Variants in G3BP1 observed in about 807,000 individuals in gnomAD.
G3BP1 encodes G3BP stress granule assembly factor 1.
In G3BP1, 35 loss-of-function variants were observed where a neutral mutation model predicts 58.6. The observed-to-expected ratio is 0.60, with a 90% confidence interval of 0.46 to 0.79. The LOEUF (loss-of-function observed/expected upper bound fraction) is 0.79, where lower values mean the gene tolerates loss of function less well. Among genes scored for constraint, G3BP1 ranks in the 30% least tolerant of loss-of-function variants. The pLI, the probability that G3BP1 is intolerant of heterozygous loss-of-function variation, is 0.00. For synonymous variants in G3BP1, 191 were observed against 195.4 expected, an observed-to-expected ratio of 0.98 and a Z score of 0.19; for missense variants, 523 against 580.8, an observed-to-expected ratio of 0.90 and a Z score of 1.02.
In G3BP1 at chr5:151,805,506, G is replaced by C. The variant is rs926900942; in HGVS notation, c.*1415G>C. On this transcript the variant is annotated 3_prime_UTR_variant, in exon 12 of 12. Transcript: ENST00000356245. The stretch of plus-strand genomic sequence containing the variant: ...GGGCAACCAGGTTGTAAAATTCAGC[G>C]TATTTATTTTCTTAACAGTATTCAT... The C allele has an allele frequency of 3.9e-5, 6 of 152,144 alleles. No homozygotes were observed. Among genetic ancestry groups the C allele is most frequent in the Admixed American group, 3.9e-4 (6 of 15,274 alleles). The allele number at this position is 152,144 out of a possible 1,614,324, so 9.4% of individuals were successfully genotyped here.
chr5:151,809,231 A>G lies in G3BP1; in HGVS notation c.*5140A>G, dbSNP rs1762979409. The G allele has an allele frequency of 6.6e-6, 1 of 152,172 alleles. No individual in the cohort carries two copies. The highest frequency in any genetic ancestry group is 1.9e-4 in the East Asian group (1 of 5,200). The allele number at this position is 152,172 out of a possible 1,614,324, so 9.4% of individuals were successfully genotyped here. ...ACCACTTCGGTTACTCACTGTCCTC[A>G]TGCTTTGATGTCAGTTGTTCTCCTA... On this transcript the variant is annotated 3_prime_UTR_variant, in exon 12 of 12. Transcript: ENST00000356245.
chr5:151,796,554 C>T (rs1425908158), intron 6 of G3BP1, among the ~76,000 whole-genome samples: 1 of 152,090 alleles, frequency 6.6e-6, no homozygotes, highest in East Asian at 1.9e-4. Context: ...AGGTGTGTGC[C>T]CAGCCCCCTC....
At position 151,812,729 on chromosome 5, in the gene G3BP1, C is replaced by T. The variant is rs1256181024; in HGVS notation, c.*8638C>T. On this transcript the variant is annotated 3_prime_UTR_variant, in exon 12 of 12. Coordinates refer to ENST00000356245, the MANE Select transcript of G3BP1 (RefSeq NM_005754.3). Reference sequence around the variant, plus strand: ...TGTATAAATAAAATAACCCCTTCCTCCAGTGACTGTGCATTTATTTTGTAA... The same window carrying T: ...TGTATAAATAAAATAACCCCTTCCTTCAGTGACTGTGCATTTATTTTGTAA... The T allele has an allele frequency of 1.3e-5, 2 of 152,212 alleles. No individual in the cohort carries two copies. Among genetic ancestry groups the T allele is most frequent in the Non-Finnish European group, 2.9e-5 (2 of 68,036 alleles). The allele number at this position is 152,212 out of a possible 1,614,324, so 9.4% of individuals were successfully genotyped here. A position where few individuals can be genotyped will look rare whatever the true frequency, so the allele number is the denominator to read the frequency against.
chr5:151,791,981 T>C (rs1037955236), intron 4 of G3BP1: 4 of 405,628 alleles, frequency 9.9e-6, no homozygotes, highest in African/African-American at 4.3e-5. Context: ...GATTTGTAAA[T>C]GAAGGATGGG....
intron 1 of G3BP1, among the ~76,000 whole-genome samples, chr5:151,778,265 T>C (rs1248818085): frequency 6.6e-6 from 1 of 152,204 alleles, no homozygotes; most frequent in Non-Finnish European, 1.5e-5. Context: ...ACAGTGTGTA[T>C]GGTCAGTCTT....
At position 151,804,049 on chromosome 5, in the gene G3BP1, A is replaced by C; in HGVS notation, c.1359A>C (p.Lys453Asn). Residue 453 changes from lysine to asparagine, a missense_variant, in exon 12 of 12, where the codon AAA becomes AAC. Lys to Asn is a moderately conservative substitution (Grantham distance 94). Around this residue, in one of 2 missense-constraint regions of G3BP1, gnomAD observed 125 missense variants for 181.7 expected, o/e 0.69. Transcript: ENST00000356245. ...CTCCCCGTGGAGGCATGGTGCAGAA[A>C]CCAGGATTTGGAGTGGGAAGGGGGC... ...RGPPRGGMVQ[K>N]PGFGVGRGLA... 6.2e-7 allele frequency: 1 copy of C among 1,612,784 alleles called. No individual in the cohort carries two copies. Among genetic ancestry groups the C allele is most frequent in the Non-Finnish European group, 8.5e-7 (1 of 1,179,264 alleles).
intron 4 of G3BP1, 29 bp downstream of exon 4, chr5:151,791,091 G>C: frequency 6.5e-7 from 1 of 1,543,172 alleles, no homozygotes; most frequent in African/African-American, 1.4e-5. Context: ...ATTTTGTAGT[G>C]ATCCAATACA....
rs992372217 is a variant in G3BP1 at position 151,805,784 on chromosome 5, A to G, written c.*1693A>G. ...CAGATCACTGATAATAGGAAGAAAT[A>G]CAACTTATACTTTTGTAGCTTATAT... On this transcript the variant is annotated 3_prime_UTR_variant, in exon 12 of 12. Coordinates refer to ENST00000356245, the MANE Select transcript of G3BP1 (RefSeq NM_005754.3). 4 of 152,214 alleles carry G rather than the reference A, an allele frequency of 2.6e-5. No homozygotes were observed. The highest frequency in any genetic ancestry group is 1.3e-4 in the Admixed American group (2 of 15,272). The allele number at this position is 152,214 out of a possible 1,614,324, so 9.4% of individuals were successfully genotyped here. A position where few individuals can be genotyped will look rare whatever the true frequency, so the allele number is the denominator to read the frequency against.
At chr5:151,797,622 A>G (rs1321251868) in intron 7 of G3BP1, among the ~76,000 whole-genome samples, 194 bp downstream of exon 7, 1 of 152,206 alleles carries the variant, frequency 6.6e-6, no homozygotes, top group Non-Finnish European at 1.5e-5. Flanking sequence ...TTATTTCATC[A>G]AAAGAAACCA....
rs1762987926 is a variant in G3BP1, at chr5:151,809,676, T to A, written c.*5585T>A. The A allele has an allele frequency of 1.3e-5, 2 of 152,170 alleles. No homozygotes were observed. The highest frequency in any genetic ancestry group is 4.8e-5 in the African/African-American group (2 of 41,446). 9.4% of individuals were successfully genotyped at this position (152,170 alleles called of 1,614,324 possible). On this transcript the variant is annotated 3_prime_UTR_variant, in exon 12 of 12. Coordinates refer to ENST00000356245, the MANE Select transcript of G3BP1 (RefSeq NM_005754.3). ...TTACAAAGGATCAGAGAGAATTGGTTAGTAGAGTCCCAAATCTGCTTTTAG... is the reference window on the plus strand; with the variant it reads ...TTACAAAGGATCAGAGAGAATTGGTAAGTAGAGTCCCAAATCTGCTTTTAG...
intron 4 of G3BP1, chr5:151,791,928 A>G (rs1762665110): frequency 2.8e-6 from 1 of 360,600 alleles, no homozygotes; most frequent in East Asian, 7.7e-5. Context: ...AAGTGGGATT[A>G]CAGGTGTGAG....
At chr5:151,787,806 A>T in intron 2 of G3BP1, 1 of 314,202 alleles carries the variant, frequency 3.2e-6, no homozygotes, top group Non-Finnish European at 6.4e-6. Context: ...TATAAAATAA[A>T]ATTTATGAAT....
chr5:151,784,365 A>C (rs967368425), intron 1 of G3BP1, among the ~76,000 whole-genome samples: 1 of 152,164 alleles, frequency 6.6e-6, no homozygotes. Context: ...TATGTCTGCT[A>C]TCTTAATCTA....
chr5:151,784,187 C>T (rs1455561973), intron 1 of G3BP1, among the ~76,000 whole-genome samples: 2 of 152,212 alleles, frequency 1.3e-5, no homozygotes, highest in Non-Finnish European at 2.9e-5. Flanking sequence ...CCTCAAACTT[C>T]TGGGCCCTAG....
rs1393839269 is a variant in G3BP1, at chr5:151,811,785, C to T, written c.*7694C>T. On this transcript the variant is annotated 3_prime_UTR_variant, in exon 12 of 12. Transcript: ENST00000356245. Reference sequence around the variant, plus strand: ...ACATTAAGGAAGCGATTGCTTAACACGCTGCTTAAGGTGGTAGCCAGACAA... The same window carrying T: ...ACATTAAGGAAGCGATTGCTTAACATGCTGCTTAAGGTGGTAGCCAGACAA... 4.6e-5 allele frequency: 7 copies of T among 152,138 alleles called. No homozygotes were observed. The highest frequency in any genetic ancestry group is 1.7e-4 in the African/African-American group (7 of 41,436). The allele number at this position is 152,138 out of a possible 1,614,324, so 9.4% of individuals were successfully genotyped here.
chr5:151,777,751 A>G (rs1191045661), intron 1 of G3BP1, among the ~76,000 whole-genome samples: 1 of 152,194 alleles, frequency 6.6e-6, no homozygotes, highest in Non-Finnish European at 1.5e-5. Flanking sequence ...CCATGAAACC[A>G]TCACCACAAT....
chr5:151,797,218 C>T lies in G3BP1; in HGVS notation c.540-9C>T. Reference sequence around the variant, plus strand: ...GCAGAATGATATTTCTCAAATTTTCCTGTCAAAGTAATGACATGGAAGAAC... The same window carrying T: ...GCAGAATGATATTTCTCAAATTTTCTTGTCAAAGTAATGACATGGAAGAAC... On this transcript the variant is annotated splice_polypyrimidine_tract_variant and intron_variant, in intron 6 of 11. Coordinates refer to ENST00000356245, the MANE Select transcript of G3BP1 (RefSeq NM_005754.3). 2 of 1,611,886 alleles carry T rather than the reference C, an allele frequency of 1.2e-6. No individual in the cohort carries two copies. Among genetic ancestry groups the T allele is most frequent in the Non-Finnish European group, 1.7e-6 (2 of 1,178,920 alleles).
chr5:151,810,669 CA>C lies in G3BP1; in HGVS notation c.*6579del, dbSNP rs1212547797. On this transcript the variant is annotated 3_prime_UTR_variant, in exon 12 of 12. Coordinates refer to ENST00000356245, the MANE Select transcript of G3BP1 (RefSeq NM_005754.3). The stretch of plus-strand genomic sequence containing the variant: ...CATCTCTGTATTCCACCAGAAGGTA[CA>C]GTGACTCATAACTAGAGTCTTTAGA... 6.6e-6 allele frequency: 1 copy of C among 152,220 alleles called. No homozygotes were observed. Among genetic ancestry groups the C allele is most frequent in the Non-Finnish European group, 1.5e-5 (1 of 68,046 alleles). 9.4% of individuals were successfully genotyped at this position (152,220 alleles called of 1,614,324 possible). A position where few individuals can be genotyped will look rare whatever the true frequency, so the allele number is the denominator to read the frequency against.
intron 1 of G3BP1, among the ~76,000 whole-genome samples, chr5:151,774,764 G>GC (rs1319288291): frequency 6.6e-6 from 1 of 151,106 alleles, no homozygotes; most frequent in African/African-American, 2.4e-5. Flanking sequence ...TTTGTCAAAA[G>GC]CAAGTGGGAA....
Sources: allele counts gnomAD v4.1 joint callset (sites outside exome capture counted in the v4.1 genomes callset), GRCh38; gene constraint gnomAD v4.1.1; regional missense constraint gnomAD v4.1.1; transcripts MANE v1.5; gene names NCBI Gene and HGNC (gene_info 2026-07-23, HGNC 2026-07-21).